TRIQK: variants seen among roughly 807,000 people sequenced by gnomAD.
The protein encoded by TRIQK is triple QxxK/R motif containing, also known as triple QxxK/R motif-containing protein.
In TRIQK, 10 loss-of-function variants were observed where a neutral mutation model predicts 10.8. The observed-to-expected ratio is 0.92, with a 90% CI of 0.57 to 1.57. The LOEUF (loss-of-function observed/expected upper bound fraction) is 1.57, where lower values mean the gene tolerates loss of function less well. Among genes scored for constraint, TRIQK ranks in the 40% most tolerant of loss-of-function variants. The pLI is 0.00. For synonymous variants in TRIQK, 33 were observed against 33.7 expected (o/e 0.98, Z 0.07); for missense variants, 107 against 97.7 (o/e 1.09, Z -0.40).
At chr8:92,979,436 T>G (rs1488421002) in intron 1 of TRIQK, among the ~76,000 whole-genome samples, 1 of 152,126 alleles carries the variant, frequency 6.6e-6, no homozygotes, top group Non-Finnish European at 1.5e-5. Context: ...TCTGAACATT[T>G]AAGCCTAAGC....
At chr8:92,926,686 A>C (rs531059071) in intron 2 of TRIQK, among the ~76,000 whole-genome samples, 1 of 152,314 alleles carries the variant, frequency 6.6e-6, no homozygotes, top group South Asian at 2.1e-4. Context: ...TAACAAGAAA[A>C]AGAGAAAATA....
rs1377896842 is a variant in TRIQK, at chr8:92,896,821, T to C, written c.62-4747A>G. Among the ~76,000 whole-genome samples the C allele has an allele frequency of 2.1e-5, 3 of 142,528 alleles. No homozygotes were observed. The South Asian group carries it at 6.7e-4, about 32-fold the overall frequency. The allele number at this position is 142,528 out of a possible 152,430, so 93.5% of individuals were successfully genotyped here. ...CAACATTGCATTTTCTTTTTCTTTC[T>C]TTTTTTTTTTTTTAGATGTTGTTTC... On this transcript the variant is annotated intron_variant, in intron 3 of 4. Transcript: ENST00000521988.
At chr8:92,935,071 A>C (rs933904039) in intron 2 of TRIQK, among the ~76,000 whole-genome samples, 1 of 151,758 alleles carries the variant, frequency 6.6e-6, no homozygotes, top group Non-Finnish European at 1.5e-5. Flanking sequence ...TTTATCTTCC[A>C]TCTCCTATTC....
At chr8:92,926,507 T>A (rs1211438743) in intron 2 of TRIQK, 1 of 152,106 alleles carries the variant, frequency 6.6e-6, no homozygotes, top group Non-Finnish European at 1.5e-5. Context: ...TTTTACTCTT[T>A]AGGGCTTGTT....
At chr8:92,911,902 C>CATAT (rs3061292) in intron 3 of TRIQK, among the ~76,000 whole-genome samples, 2,047 of 140,556 alleles carry the variant, frequency 0.015, 23 homozygotes, top group African/African-American at 0.031. Flanking sequence ...TGTGTGTAGA[C>CATAT]ATATATATAT....
At chr8:92,889,258 G>C (rs1222931748) in intron 4 of TRIQK, among the ~76,000 whole-genome samples, 1 of 151,474 alleles carries the variant, frequency 6.6e-6, no homozygotes, top group African/African-American at 2.4e-5. Context: ...CATATCTCTA[G>C]CCCATGATTT....
At chr8:92,934,127 T>C (rs981576241) in intron 2 of TRIQK, among the ~76,000 whole-genome samples, 1 of 152,012 alleles carries the variant, frequency 6.6e-6, no homozygotes, top group African/African-American at 2.4e-5. Context: ...GGTACATGGA[T>C]AGTTTCCAAA....
intron 1 of TRIQK, among the ~76,000 whole-genome samples, chr8:92,989,945 AAGT>A (rs1195661859): frequency 2.0e-5 from 3 of 152,210 alleles, no homozygotes; most frequent in African/African-American, 7.2e-5. Flanking sequence ...GGCACATAAC[AAGT>A]AGTAGAAGAT....
At chr8:93,003,159 C>T (rs1813231377) in intron 1 of TRIQK, among the ~76,000 whole-genome samples, 2 of 152,092 alleles carry the variant, frequency 1.3e-5, no homozygotes, top group African/African-American at 4.8e-5. Flanking sequence ...TGTTCTCACA[C>T]TGCTATAAAG....
At chr8:92,987,087 T>C (rs1813040441) in intron 1 of TRIQK, among the ~76,000 whole-genome samples, 1 of 152,198 alleles carries the variant, frequency 6.6e-6, no homozygotes, top group South Asian at 2.1e-4. Flanking sequence ...ATTTTTCATT[T>C]CTTATAATTT....
intron 2 of TRIQK, among the ~76,000 whole-genome samples, chr8:92,949,835 AAAGAAAGGG>A (rs2130658398): frequency 7.9e-6 from 1 of 126,612 alleles, no homozygotes; most frequent in Admixed American, 7.9e-5. Flanking sequence ...AGAAAGAAAG[AAAGAAAGGG>A]AGAGAAAAGA....
chr8:92,991,093 T>C (rs1813092439), intron 1 of TRIQK, among the ~76,000 whole-genome samples: 1 of 152,044 alleles, frequency 6.6e-6, no homozygotes, highest in Admixed American at 6.5e-5. Flanking sequence ...TTACTAAGGC[T>C]TGAGTAGGCA....
At chr8:92,986,168 G>A (rs372506472) in intron 1 of TRIQK, among the ~76,000 whole-genome samples, 1 of 152,038 alleles carries the variant, frequency 6.6e-6, no homozygotes, top group Non-Finnish European at 1.5e-5. Flanking sequence ...TGCCAGAATC[G>A]AGTATAACTT....
chr8:92,916,383 T>C (rs941140558), intron 3 of TRIQK, among the ~76,000 whole-genome samples: 4 of 152,164 alleles, frequency 2.6e-5, no homozygotes, highest in African/African-American at 9.6e-5. Context: ...GGTCCAAGTA[T>C]ATTTGGGAGT....
intron 1 of TRIQK, among the ~76,000 whole-genome samples, chr8:93,002,740 C>T (rs1316511816): frequency 2.0e-5 from 3 of 151,758 alleles, no homozygotes; most frequent in Non-Finnish European, 4.4e-5. Flanking sequence ...GCCAACATGG[C>T]GAAACCCCAT....
At chr8:92,914,492 CAGTT>C (rs1396497570) in intron 3 of TRIQK, among the ~76,000 whole-genome samples, 3 of 152,098 alleles carry the variant, frequency 2.0e-5, no homozygotes, top group African/African-American at 7.2e-5. Context: ...ACTTGAGAAA[CAGTT>C]AAGTCAAATT....
At chr8:92,912,543 G>T (rs971257260) in intron 3 of TRIQK, among the ~76,000 whole-genome samples, 2 of 151,590 alleles carry the variant, frequency 1.3e-5, no homozygotes, top group African/African-American at 4.8e-5. Context: ...AAAGTTGCCA[G>T]GAAAAAGCAA....
At chr8:92,924,195 G>A (rs995667865) in intron 2 of TRIQK, among the ~76,000 whole-genome samples, 1 of 151,986 alleles carries the variant, frequency 6.6e-6, no homozygotes, top group Non-Finnish European at 1.5e-5. Context: ...GCTAGATGCT[G>A]AGGATATAAT....
intron 2 of TRIQK, among the ~76,000 whole-genome samples, chr8:92,931,846 G>T (rs1197142100): frequency 6.6e-6 from 1 of 152,104 alleles, no homozygotes; most frequent in Non-Finnish European, 1.5e-5. Flanking sequence ...ATACACCATA[G>T]CTCAGTTAGT....
Sources: gnomAD v4.1 joint callset for allele counts (sites outside exome capture counted in the v4.1 genomes callset) on GRCh38, gnomAD v4.1.1 for gene constraint, MANE v1.5 for transcripts, NCBI Gene and HGNC (gene_info 2026-07-23, HGNC 2026-07-21) for gene names.